Variants in DFFA observed in about 807,000 individuals in gnomAD.
DFFA encodes the protein DNA fragmentation factor subunit alpha.
Under a neutral mutation model 28.0 loss-of-function variants are expected in DFFA, and 14 were observed. The observed-to-expected ratio is 0.50, with a 90% CI of 0.33 to 0.78. The LOEUF (loss-of-function observed/expected upper bound fraction) is 0.78. Ranked by LOEUF, DFFA falls within the 30% of genes least tolerant of loss-of-function variation. The probability of loss-of-function intolerance (pLI) is 0.02; values close to 1 mark genes in which losing one functional copy is unlikely to be tolerated. For missense variants in DFFA, 395 were observed against 407.1 expected (o/e 0.97, Z 0.26); for synonymous variants, 158 against 170.3 (o/e 0.93, Z 0.56).
chr1:10,464,019 C>T (rs1640987716), intron 3 of DFFA, among the ~76,000 whole-genome samples: 1 of 151,972 alleles, frequency 6.6e-6, no homozygotes, highest in Non-Finnish European at 1.5e-5. Context: ...CATTTCAGAA[C>T]TCAATGCATC....
In DFFA at chr1:10,461,306, CTGAAGCTGG is replaced by C; in HGVS notation, c.*175_*183del. 1 of 912,948 alleles carries C rather than the reference CTGAAGCTGG, an allele frequency of 1.1e-6. No individual in the cohort carries two copies. Among genetic ancestry groups the C allele is most frequent in the African/African-American group, 1.7e-5 (1 of 59,802 alleles). 56.6% of individuals were successfully genotyped at this position (912,948 alleles called of 1,614,324 possible). A position where few individuals can be genotyped will look rare whatever the true frequency, so the allele number is the denominator to read the frequency against. The stretch of plus-strand genomic sequence containing the variant: ...ATATCATTCAAAATTGGCAGAAGTC[CTGAAGCTGG>C]TGGGGCTAAAAAAAAAATTGGTGGA... On this transcript the variant is annotated 3_prime_UTR_variant, in exon 6 of 6. Transcript: ENST00000377038.
chr1:10,456,632 G>C lies in DFFA; in HGVS notation c.*4858C>G, dbSNP rs890260248. 1 of 150,658 alleles carries C rather than the reference G, an allele frequency of 6.6e-6. No homozygotes were observed. The highest frequency in any genetic ancestry group is 1.5e-5 in the Non-Finnish European group (1 of 67,856). The allele number at this position is 150,658 out of a possible 1,614,324, so 9.3% of individuals were successfully genotyped here. On this transcript the variant is annotated 3_prime_UTR_variant, in exon 6 of 6. Coordinates refer to ENST00000377038, the MANE Select transcript of DFFA (RefSeq NM_004401.3). Reference sequence around the variant, plus strand: ...TACAGACTACTATTATTTTATTCTTGTCTCTCTGGAAAATGAAAAATCCAT... The same window carrying C: ...TACAGACTACTATTATTTTATTCTTCTCTCTCTGGAAAATGAAAAATCCAT...
rs1385489394 is a variant in DFFA, at chr1:10,460,273, T to C, written c.*1217A>G. 1 of 151,730 alleles carries C rather than the reference T, an allele frequency of 6.6e-6. No homozygotes were observed. Among genetic ancestry groups the C allele is most frequent in the Non-Finnish European group, 1.5e-5 (1 of 68,032 alleles). The allele number at this position is 151,730 out of a possible 1,614,324, so 9.4% of individuals were successfully genotyped here. Reference sequence around the variant, plus strand: ...AAAACAAAACAAAACTTTTTTTTTTTCTTGAGATACGGAGTCTAGCTCTGT... The same window carrying C: ...AAAACAAAACAAAACTTTTTTTTTTCCTTGAGATACGGAGTCTAGCTCTGT... On this transcript the variant is annotated 3_prime_UTR_variant, in exon 6 of 6. Transcript: ENST00000377038.
Position 10,463,505 on chromosome 1 carries a change from C to T in DFFA, c.557G>A (p.Arg186His), listed in dbSNP as rs574523820. ...CAGCTGCAGGAGCTGCTTGGACTGA[C>T]GCACTTCCTCTCTTTGGTCAAGCAC... is the stretch of plus-strand genomic sequence containing the variant. Reference protein sequence around the residue: ...QQVLDQREEVRQSKQLLQLYL... With the variant: ...QQVLDQREEVHQSKQLLQLYL... The change falls in exon 4 of 6, where the codon CGT (arginine) becomes CAT (histidine). Residue 186 changes from arginine to histidine, a missense_variant. Arg to His is a conservative substitution (Grantham distance 29). Transcript: ENST00000377038. 32 of 1,614,160 alleles carry T rather than the reference C, an allele frequency of 2.0e-5. No individual in the cohort carries two copies. In the Admixed American group the frequency reaches 2.2e-4, roughly 11 times the overall value.
intron 2 of DFFA, among the ~76,000 whole-genome samples, chr1:10,467,856 T>C (rs1373418583): frequency 6.6e-6 from 1 of 152,142 alleles, no homozygotes; most frequent in African/African-American, 2.4e-5. Flanking sequence ...TATTCTTCCA[T>C]AGAAAAAGCC....
At chr1:10,469,416 T>C (rs1641064893) in intron 1 of DFFA, 78 bp from the exon 2 acceptor site, 1 of 1,352,940 alleles carries the variant, frequency 7.4e-7, no homozygotes, top group South Asian at 1.3e-5. Context: ...CAAGTATGTA[T>C]GGCTCCAGAG....
chr1:10,468,128 CTTT>C (rs57035535), intron 2 of DFFA, among the ~76,000 whole-genome samples: 3 of 148,760 alleles, frequency 2.0e-5, no homozygotes, highest in South Asian at 2.1e-4. Context: ...CTTCAGGACA[CTTT>C]TTTTTTTTTT....
intron 3 of DFFA, among the ~76,000 whole-genome samples, chr1:10,465,683 G>A (rs1309976461): frequency 6.6e-6 from 1 of 151,918 alleles, no homozygotes; most frequent in African/African-American, 2.4e-5. Flanking sequence ...GAGCCACCAC[G>A]CCTGGCTTTA....
intron 1 of DFFA, 151 bp from the exon 2 acceptor site, chr1:10,469,489 A>G: frequency 1.5e-6 from 1 of 660,204 alleles, no homozygotes; most frequent in Non-Finnish European, 2.6e-6. Context: ...CACTACCAGA[A>G]CACTCATCAC....
intron 2 of DFFA, among the ~76,000 whole-genome samples, chr1:10,468,253 AT>A (rs1261902090): frequency 6.6e-6 from 1 of 151,972 alleles, no homozygotes; most frequent in Non-Finnish European, 1.5e-5. Context: ...ACAGGTAACA[AT>A]TATTGAGTCC....
At chr1:10,469,037 G>A (rs1641057957) in intron 2 of DFFA, 140 bp downstream of exon 2, 2 of 877,922 alleles carry the variant, frequency 2.3e-6, no homozygotes, top group Non-Finnish European at 3.5e-6. Context: ...ACCATGTCTG[G>A]CACATAGAAA....
At chr1:10,466,187 C>T (rs1309157653) in intron 3 of DFFA, among the ~76,000 whole-genome samples, 2 of 151,734 alleles carry the variant, frequency 1.3e-5, no homozygotes, top group African/African-American at 4.8e-5. Flanking sequence ...TTATCCCAAT[C>T]TTTTTTTTCT....
At position 10,463,418 on chromosome 1, in the gene DFFA, C is replaced by T. The variant is rs975795256; in HGVS notation, c.631+13G>A. On this transcript the variant is annotated intron_variant, in intron 4 of 5. Coordinates refer to ENST00000377038, the MANE Select transcript of DFFA (RefSeq NM_004401.3). ...TGAATTCTCAGAGTGACTCTGCCTGCAGAGAGTCCTACCTTCCTGCTTTGA... is the reference window on the plus strand; with the variant it reads ...TGAATTCTCAGAGTGACTCTGCCTGTAGAGAGTCCTACCTTCCTGCTTTGA... The T allele has an allele frequency of 6.2e-7, 1 of 1,601,302 alleles. No individual in the cohort carries two copies. Among genetic ancestry groups the T allele is most frequent in the African/African-American group, 1.3e-5 (1 of 74,694 alleles).
rs1557789750 is a variant in DFFA at position 10,457,857 on chromosome 1, CACTA to C, written c.*3629_*3632del. ...GCTTGCTTCAAGTACAGAATATTAA[CACTA>C]ACGCCCAGACGAGTCAACGAACGCT... On this transcript the variant is annotated 3_prime_UTR_variant, in exon 6 of 6. Transcript: ENST00000377038. 6.8e-6 allele frequency: 1 copy of C among 148,064 alleles called. No individual in the cohort carries two copies. The highest frequency in any genetic ancestry group is 2.5e-5 in the African/African-American group (1 of 40,052). The allele number at this position is 148,064 out of a possible 1,614,324, so 9.2% of individuals were successfully genotyped here. A position where few individuals can be genotyped will look rare whatever the true frequency, so the allele number is the denominator to read the frequency against.
At chr1:10,462,218 G>A (rs561196799) in intron 5 of DFFA, among the ~76,000 whole-genome samples, 1 of 152,256 alleles carries the variant, frequency 6.6e-6, no homozygotes, top group East Asian at 1.9e-4. Flanking sequence ...GTGCAGTGGC[G>A]CGATCTTAGC....
intron 3 of DFFA, 67 bp from the exon 4 acceptor site, chr1:10,463,687 A>T: frequency 6.8e-7 from 1 of 1,466,982 alleles, no homozygotes; most frequent in Non-Finnish European, 9.2e-7. Flanking sequence ...TTTTTTTGAG[A>T]CGGAGTCTGC....
Position 10,472,342 on chromosome 1 carries a change from G to C in DFFA, c.117C>G (p.Leu39=), listed in dbSNP as rs751789370. ...GCCAACCCTTGCTCCTCAGGTCTTC[G>C]AGGCAGGAGGCGGCCACGCCGTGCT... is the stretch of plus-strand genomic sequence containing the variant. The part of the protein sequence containing the change: ...REQHGVAASC[L]EDLRSKACDI... Residue 39 remains leucine, a synonymous_variant, in exon 1 of 6, where the codon CTC becomes CTG. Coordinates refer to ENST00000377038, the MANE Select transcript of DFFA (RefSeq NM_004401.3). This position sits in a 1 kb window ranked among gnomAD's most constrained non-coding sequence, Gnocchi z 5.0. 5 of 1,607,048 alleles carry C rather than the reference G, an allele frequency of 3.1e-6. No individual in the cohort carries two copies. Among genetic ancestry groups the C allele is most frequent in the East Asian group, 2.3e-5 (1 of 44,354 alleles).
In DFFA at chr1:10,461,391, AG is replaced by A; in HGVS notation, c.*98del. ...GCTTCTCTGGAAGGTGCTCTAAGGC[AG>A]GGGGTAGAGTAGTACATAGGTAGTC... On this transcript the variant is annotated 3_prime_UTR_variant, in exon 6 of 6. Transcript: ENST00000377038. The A allele has an allele frequency of 4.8e-6, 7 of 1,466,270 alleles. No homozygotes were observed. The highest frequency in any genetic ancestry group is 6.3e-6 in the Non-Finnish European group (7 of 1,103,936). 90.8% of individuals were successfully genotyped at this position (1,466,270 alleles called of 1,614,324 possible).
intron 2 of DFFA, among the ~76,000 whole-genome samples, chr1:10,468,208 CCTTT>C (rs1641048523): frequency 1.3e-5 from 2 of 151,920 alleles, no homozygotes; most frequent in Non-Finnish European, 2.9e-5. Flanking sequence ...ATGTTAGTCC[CCTTT>C]CTATCTCCTG....
Sources: gnomAD v4.1 joint callset for allele counts (sites outside exome capture counted in the v4.1 genomes callset) on GRCh38, gnomAD v4.1.1 for gene constraint, Gnocchi (gnomAD v3.1) non-coding constraint, MANE v1.5 for transcripts, NCBI Gene and HGNC (gene_info 2026-07-23, HGNC 2026-07-21) for gene names.